Variants in UBXN11 observed in about 807,000 individuals in gnomAD.
The protein encoded by UBXN11 is UBX domain-containing protein 11.
Under a neutral mutation model 62.8 loss-of-function variants are expected in UBXN11, and 47 were observed. That is an observed-to-expected ratio of 0.75 (90% confidence interval 0.59 to 0.95). The LOEUF is 0.95. Among genes scored for constraint, UBXN11 ranks in the 40% least tolerant of loss-of-function variants. The pLI is 0.00. For synonymous variants in UBXN11, 294 were observed against 267.0 expected (o/e 1.10, Z -0.99); for missense variants, 638 against 661.7 (o/e 0.96, Z 0.39).
Position 26,282,416 on chromosome 1 carries a change from A to G in UBXN11, c.1446T>C (p.Ser482=), listed in dbSNP as rs374443118. ...RRAPKSSLKF[S]PGPCPGPGPG... The stretch of plus-strand genomic sequence containing the variant: ...GACCGGGACCGGGACAGGGACCAGG[A>G]CTGAATTTCAGGCTGGACTTCGGGG... Residue 482 remains serine (S), a synonymous_variant, in exon 15 of 15, where the codon AGT becomes AGC. Transcript: ENST00000374222. The G allele has an allele frequency of 1.2e-6, 2 of 1,610,508 alleles. No individual in the cohort carries two copies. The highest frequency in any genetic ancestry group is 1.7e-5 in the Admixed American group (1 of 59,650).
chr1:26,308,440 C>T (rs1157904979), upstream of UBXN11, among the ~76,000 whole-genome samples: 1 of 152,122 alleles, frequency 6.6e-6, no homozygotes, highest in African/African-American at 2.4e-5. Context: ...CTCTGGTAAA[C>T]AAGGCAGGCA....
intron 1 of UBXN11, among the ~76,000 whole-genome samples, chr1:26,305,763 C>T (rs1269914454): frequency 1.3e-5 from 2 of 152,146 alleles, no homozygotes; most frequent in African/African-American, 4.8e-5. Context: ...AATGGGACCC[C>T]ATCACCCAAC....
chr1:26,284,729 AC>A (rs1215699362), intron 10 of UBXN11: 11 of 1,265,466 alleles, frequency 8.7e-6, no homozygotes, highest in Non-Finnish European at 1.1e-5. Context: ...CTCCTTGGAG[AC>A]CCCCCTCTCA....
intron 10 of UBXN11, 86 bp downstream of exon 10, chr1:26,285,378 C>A: frequency 6.4e-7 from 1 of 1,558,832 alleles, no homozygotes; most frequent in South Asian, 1.2e-5. Flanking sequence ...GCGGCTTCCC[C>A]TCAGAATGGG....
chr1:26,314,862 T>A (rs1285828667), intron 1 of UBXN11, among the ~76,000 whole-genome samples: 1 of 152,136 alleles, frequency 6.6e-6, no homozygotes, highest in East Asian at 1.9e-4. Context: ...CTAAGCTAAA[T>A]CTTGAAGAAT....
intron 7 of UBXN11, among the ~76,000 whole-genome samples, chr1:26,295,059 G>A (rs149868075): frequency 6.0e-4 from 91 of 152,226 alleles, no homozygotes; most frequent in Non-Finnish European, 1.0e-4. Flanking sequence ...ACCCAAGTTT[G>A]TATTTATGCA....
At chr1:26,307,254 G>C (rs1004724458), upstream of UBXN11, among the ~76,000 whole-genome samples, 2 of 152,166 alleles carry the variant, frequency 1.3e-5, no homozygotes, top group African/African-American at 4.8e-5. Context: ...CACCAAAACA[G>C]CTAAAGGCAG....
Position 26,286,006 on chromosome 1 carries a change from A to G in UBXN11, c.591T>C (p.Phe197=). Residue 197 remains phenylalanine, a synonymous_variant, in exon 9 of 15, where the codon TTT becomes TTC. Coordinates refer to ENST00000374222, the MANE Select transcript of UBXN11 (RefSeq NM_001389556.1). ...GDSLAPPEVD[F]DRLLASLQDL... ...CCTGCAGGCTGGCCAGCAGCCTGTC[A>G]AAGTCCACCTCAGGGGGCGCCAATG... 1.2e-6 allele frequency: 2 copies of G among 1,611,172 alleles called. No individual in the cohort carries two copies. The highest frequency in any genetic ancestry group is 1.7e-6 in the Non-Finnish European group (2 of 1,178,010).
At chr1:26,304,645 T>C (rs533146040) in intron 1 of UBXN11, among the ~76,000 whole-genome samples, 2 of 152,152 alleles carry the variant, frequency 1.3e-5, no homozygotes, top group Non-Finnish European at 2.9e-5. Flanking sequence ...CCCAGCTACT[T>C]GGGAGGCCGA....
At chr1:26,292,790 G>A (rs2124649002) in intron 8 of UBXN11, among the ~76,000 whole-genome samples, 1 of 152,032 alleles carries the variant, frequency 6.6e-6, no homozygotes, top group South Asian at 2.1e-4. Flanking sequence ...GGAGGCAGAG[G>A]TTGCAGTGAG....
chr1:26,301,757 A>G lies in UBXN11; in HGVS notation c.72-35T>C, dbSNP rs779141229. 1.9e-6 allele frequency: 3 copies of G among 1,613,340 alleles called. No homozygotes were observed. In the South Asian group the frequency reaches 3.3e-5, roughly 18 times the overall value. On this transcript the variant is annotated intron_variant, in intron 2 of 14. Transcript: ENST00000374222. ...CAGGCAGGAAGAAGGAAGAAATATA[A>G]GTTAGGGCCCCTGGAATGATACCAG...
intron 1 of UBXN11, among the ~76,000 whole-genome samples, chr1:26,304,898 A>C (rs1363456589): frequency 7.1e-6 from 1 of 141,092 alleles, no homozygotes; most frequent in African/African-American, 2.6e-5. Context: ...CCCTGCCTCA[A>C]CCTCAATCCC....
intron 4 of UBXN11, 63 bp from the exon 5 acceptor site, chr1:26,298,125 G>A (rs2073441365): frequency 6.5e-7 from 1 of 1,539,426 alleles, no homozygotes. Flanking sequence ...GTGGGGGGGA[G>A]GGAGGAGGAT....
intron 10 of UBXN11, chr1:26,284,851 T>C (rs1025889616): frequency 2.1e-5 from 22 of 1,026,980 alleles, no homozygotes; most frequent in Non-Finnish European, 2.5e-5. Context: ...TCACTTGCCT[T>C]ATCAAGGCAT....
In UBXN11 at chr1:26,282,565, T is replaced by C; in HGVS notation, c.1297A>G (p.Met433Val). The stretch of plus-strand genomic sequence containing the variant: ...AAGATCTCAAAGGCAGAGGCATCCA[T>C]GACCCTGGGGACCAGGCAGAGCAGA... The part of the protein sequence containing the change: ...VRALLAQARV[M>V]DASAFEIFST... Residue 433 changes from methionine to valine, a missense_variant, in exon 15 of 15, where the codon ATG (methionine) becomes GTG (valine). By Grantham distance (21) the Met-to-Val change is conservative. Transcript: ENST00000374222. 3 of 1,601,548 alleles carry C rather than the reference T, an allele frequency of 1.9e-6. No individual in the cohort carries two copies. The highest frequency in any genetic ancestry group is 1.1e-5 in the South Asian group (1 of 90,494).
At chr1:26,311,264 G>A (rs1027528267), upstream of UBXN11, among the ~76,000 whole-genome samples, 7 of 150,788 alleles carry the variant, frequency 4.6e-5, no homozygotes, top group African/African-American at 9.8e-5. Context: ...TCAGCCTCCC[G>A]AGTAGCTGCG....
intron 7 of UBXN11, 56 bp downstream of exon 7, chr1:26,296,863 C>A (rs1015455687): frequency 2.1e-5 from 32 of 1,539,778 alleles, no homozygotes; most frequent in Non-Finnish European, 2.6e-5. Context: ...AGGAACATGC[C>A]GTGAAGAGCT....
chr1:26,293,489 A>G (rs2073319227), intron 8 of UBXN11, among the ~76,000 whole-genome samples: 1 of 152,052 alleles, frequency 6.6e-6, no homozygotes, highest in South Asian at 2.1e-4. Context: ...GCACTTTGGG[A>G]GGCCAAGGTG....
At chr1:26,294,077 G>GCAAGTT (rs2073337747) in intron 8 of UBXN11, 128 bp downstream of exon 8, 1 of 1,418,786 alleles carries the variant, frequency 7.0e-7, no homozygotes, top group Non-Finnish European at 9.5e-7. Flanking sequence ...GCAAGTTGTG[G>GCAAGTT]GCTCTCAGGG....
Sources: allele counts gnomAD v4.1 joint callset (sites outside exome capture counted in the v4.1 genomes callset), GRCh38; gene constraint gnomAD v4.1.1; transcripts MANE v1.5; gene names NCBI Gene and HGNC (gene_info 2026-07-23, HGNC 2026-07-21).